SLC9A5: variants seen among roughly 807,000 people sequenced by gnomAD.
SLC9A5 encodes solute carrier family 9 member A5.
Under a neutral mutation model 91.7 loss-of-function variants are expected in SLC9A5, and 52 were observed. The ratio of observed to expected loss-of-function variants is 0.57; its 90% CI spans 0.45 to 0.71. The LOEUF is 0.71. Ranked by LOEUF, SLC9A5 falls within the 30% of genes least tolerant of loss-of-function variation. The probability of loss-of-function intolerance (pLI) is 0.00; values close to 1 mark genes in which losing one functional copy is unlikely to be tolerated. For synonymous variants in SLC9A5, 419 were observed against 474.5 expected, an observed-to-expected ratio of 0.88 and a Z score of 1.52; for missense variants, 871 against 1,158.9, an observed-to-expected ratio of 0.75 and a Z score of 3.61.
intron 1 of SLC9A5, among the ~76,000 whole-genome samples, chr16:67,250,751 G>C (rs772487900): frequency 2.0e-5 from 3 of 152,296 alleles, no homozygotes; most frequent in Middle Eastern, 3.4e-3. Context: ...GCCAGGCACT[G>C]TTCTAGGCCC....
Position 67,264,204 on chromosome 16 carries a change from A to G in SLC9A5, c.1843-148A>G, listed in dbSNP as rs2035623442. 3 of 669,598 alleles carry G rather than the reference A, an allele frequency of 4.5e-6. No individual in the cohort carries two copies. The Admixed American group carries it at 8.4e-5, about 19-fold the overall frequency. The allele number at this position is 669,598 out of a possible 1,614,324, so 41.5% of individuals were successfully genotyped here. On this transcript the variant is annotated intron_variant, in intron 12 of 15. Transcript: ENST00000299798. Reference sequence around the variant, plus strand: ...GGGTCTCTGGCTGGGTTCCTGTTGTATTTTTTGTTTTGTTTTTCAATCCAT... The same window carrying G: ...GGGTCTCTGGCTGGGTTCCTGTTGTGTTTTTTGTTTTGTTTTTCAATCCAT...
At chr16:67,265,236 G>A in intron 14 of SLC9A5, 130 bp downstream of exon 14, 2 of 782,886 alleles carry the variant, frequency 2.6e-6, no homozygotes, top group Non-Finnish European at 4.3e-6. Context: ...TTCCTCCAGG[G>A]ACTTGATTTC....
In SLC9A5 at chr16:67,266,125, G is replaced by A; in HGVS notation, c.2118G>A (p.Glu706=). The change falls in exon 15 of 16, where the codon GAG becomes GAA. Residue 706 remains glutamate, a synonymous_variant. Coordinates refer to ENST00000299798, the MANE Select transcript of SLC9A5 (RefSeq NM_004594.3). ...TAACCGTGGAGTCTGAGGAGGAGGA[G>A]GAGGAGAGCGACAGTTCAGAGACAG... ...VILTVESEEE[E]EESDSSETEK... 2 of 1,612,090 alleles carry A rather than the reference G, an allele frequency of 1.2e-6. No homozygotes were observed. Among genetic ancestry groups the A allele is most frequent in the Non-Finnish European group, 8.5e-7 (1 of 1,179,090 alleles).
intron 15 of SLC9A5, among the ~76,000 whole-genome samples, chr16:67,269,893 C>T (rs776392428): frequency 5.9e-5 from 9 of 152,150 alleles, no homozygotes; most frequent in African/African-American, 1.4e-4. Context: ...CCTCGTCATC[C>T]CCTTTGCGGC....
In SLC9A5 at chr16:67,270,645, T is replaced by C. The variant is rs949771653; in HGVS notation, c.2219-93T>C. On this transcript the variant is annotated intron_variant, in intron 15 of 15. Transcript: ENST00000299798. The surrounding 1 kb of genome is among the most constrained non-coding windows in gnomAD (Gnocchi z 4.3). ...CCGATAATCGCAAAAATGGACGGCA[T>C]ATGGAAACTGTGGCATGAATTTATA... The C allele has an allele frequency of 5.4e-6, 5 of 925,274 alleles. No homozygotes were observed. The highest frequency in any genetic ancestry group is 6.4e-6 in the Non-Finnish European group (4 of 621,788). The allele number at this position is 925,274 out of a possible 1,614,324, so 57.3% of individuals were successfully genotyped here.
At chr16:67,260,354 C>CAAAAAAAAAAAAAAAAAAAAAAAAAAAAA in intron 12 of SLC9A5, among the ~76,000 whole-genome samples, 1 of 33,468 alleles carries the variant, frequency 3.0e-5, no homozygotes, top group Non-Finnish European at 5.2e-5. Flanking sequence ...GACTCCATCT[C>CAAAAAAAAAAAAAAAAAAAAAAAAAAAAA]AAAAAAAAAA....
intron 14 of SLC9A5, 68 bp downstream of exon 14, chr16:67,265,174 G>C: frequency 6.8e-7 from 1 of 1,473,442 alleles, no homozygotes; most frequent in East Asian, 2.3e-5. Flanking sequence ...TTGCCAGCCA[G>C]AATCCTGGAG....
chr16:67,253,172 G>C (rs1486590524), intron 2 of SLC9A5, among the ~76,000 whole-genome samples: 1 of 152,156 alleles, frequency 6.6e-6, no homozygotes, highest in Non-Finnish European at 1.5e-5. Flanking sequence ...CTGAGGCATA[G>C]CTGTGCATCA....
Position 67,270,740 on chromosome 16 carries a change from A to G in SLC9A5, c.2221A>G (p.Ser741Gly), listed in dbSNP as rs1413912815. 4.4e-6 allele frequency: 7 copies of G among 1,594,854 alleles called. No individual in the cohort carries two copies. Among genetic ancestry groups the G allele is most frequent in the Non-Finnish European group, 5.1e-6 (6 of 1,168,192 alleles). The change falls in exon 16 of 16, where the codon AGC becomes GGC. Residue 741 changes from serine (S) to glycine (G), a missense_variant and splice_region_variant. Physicochemically the swap from Ser to Gly is moderately conservative, Grantham distance 56 (BLOSUM62 0). This residue lies in a region of SLC9A5 where 295 missense variants were observed against 326.0 expected (regional missense o/e 0.90). Transcript: ENST00000299798. The surrounding 1 kb of genome is among the most constrained non-coding windows in gnomAD (Gnocchi z 4.3). The part of the protein sequence containing the change: ...EVLQEGKVSG[S>G]LEVCPSPRII... ...TCATGTGTACTCTCTGTCCCCAGGAAGCCTTGAGGTGTGCCCAAGCCCACG... is the reference window on the plus strand; with the variant it reads ...TCATGTGTACTCTCTGTCCCCAGGAGGCCTTGAGGTGTGCCCAAGCCCACG...
Position 67,252,679 on chromosome 16 carries a change from C to T in SLC9A5, c.325C>T (p.Leu109Phe). The T allele has an allele frequency of 6.2e-7, 1 of 1,614,246 alleles. No homozygotes were observed. The highest frequency in any genetic ancestry group is 8.5e-7 in the Non-Finnish European group (1 of 1,180,046). Residue 109 changes from leucine (L) to phenylalanine (F), a missense_variant, in exon 2 of 16, where the codon CTC becomes TTC. Leu to Phe is a conservative substitution (Grantham distance 22). This residue lies in a region of SLC9A5 where 454 missense variants were observed against 718.3 expected (regional missense o/e 0.63). Coordinates refer to ENST00000299798, the MANE Select transcript of SLC9A5 (RefSeq NM_004594.3). The surrounding 1 kb of genome is among the most constrained non-coding windows in gnomAD (Gnocchi z 4.0). ...CCAGCTGGAGCCAGGCACCTTCTTC[C>T]TCTTCCTGCTGCCTCCTATTGTGTT... ...EYQLEPGTFF[L>F]FLLPPIVLDS...
intron 2 of SLC9A5, 109 bp from the exon 3 acceptor site, chr16:67,254,912 C>A (rs1473458552): frequency 1.8e-6 from 2 of 1,086,746 alleles, no homozygotes; most frequent in Non-Finnish European, 2.6e-6. Flanking sequence ...CCTCTTTGGG[C>A]TTCCTTGCTG....
intron 2 of SLC9A5, among the ~76,000 whole-genome samples, chr16:67,253,274 T>C (rs2035197204): frequency 6.6e-6 from 1 of 152,036 alleles, no homozygotes; most frequent in African/African-American, 2.4e-5. Flanking sequence ...AACTATATGT[T>C]GTCTATAAGA....
Position 67,256,870 on chromosome 16 carries a change from C to T in SLC9A5, c.1133-41C>T, listed in dbSNP as rs776117335. On this transcript the variant is annotated intron_variant, in intron 6 of 15. Transcript: ENST00000299798. This position sits in a 1 kb window ranked among gnomAD's most constrained non-coding sequence, Gnocchi z 4.1. ...GTCCCATCCGGTCCCACGTCCTCCA[C>T]TCCCAACGCTTTGCTCCCACTGGCC... 4.4e-6 allele frequency: 7 copies of T among 1,598,304 alleles called. No individual in the cohort carries two copies. In the South Asian group the frequency reaches 4.4e-5, roughly 10 times the overall value.
chr16:67,259,530 C>T (rs772161075), intron 10 of SLC9A5, 43 bp from the exon 11 acceptor site: 4 of 1,442,828 alleles, frequency 2.8e-6, no homozygotes, highest in Admixed American at 3.3e-5. Context: ...CCTGGGCAAC[C>T]CTCCATCTGA....
At chr16:67,265,999 AG>A in intron 14 of SLC9A5, 88 bp from the exon 15 acceptor site, 1 of 1,547,234 alleles carries the variant, frequency 6.5e-7, no homozygotes, top group Non-Finnish European at 8.7e-7. Flanking sequence ...TGTTCTGCCT[AG>A]GGAGACAGGG....
Position 67,258,342 on chromosome 16 carries a change from C to T in SLC9A5, c.1521C>T (p.Tyr507=), listed in dbSNP as rs377384395. 7 of 1,613,946 alleles carry T rather than the reference C, an allele frequency of 4.3e-6. No individual in the cohort carries two copies. In the African/African-American group the frequency reaches 8.0e-5, roughly 18 times the overall value. The change falls in exon 10 of 16, where the codon TAC becomes TAT. Residue 507 remains tyrosine, a synonymous_variant. Coordinates refer to ENST00000299798, the MANE Select transcript of SLC9A5 (RefSeq NM_004594.3). This position sits in a 1 kb window ranked among gnomAD's most constrained non-coding sequence, Gnocchi z 4.5. ...RDRWEQFDKK[Y]LSQLLMRRSA... ...GGTGGGAGCAGTTTGACAAGAAATA[C>T]CTGAGTCAGCTGCTGATGCGACGAT... is the stretch of plus-strand genomic sequence containing the variant.
rs758562275 is a variant in SLC9A5, at chr16:67,270,981, G to A, written c.2462G>A (p.Gly821Asp). 23 of 1,614,046 alleles carry A rather than the reference G, an allele frequency of 1.4e-5. No individual in the cohort carries two copies. The South Asian group carries it at 1.4e-4, about 10-fold the overall frequency. Residue 821 changes from glycine (G) to aspartate (D), a missense_variant, in exon 16 of 16, where the codon GGC becomes GAC. Coordinates refer to ENST00000299798, the MANE Select transcript of SLC9A5 (RefSeq NM_004594.3). This position sits in a 1 kb window ranked among gnomAD's most constrained non-coding sequence, Gnocchi z 4.3. ...ACCTGCCTGCCTCCCCATCCACGGGGCACTGAAGAGCCCCAGGTCCCTCTC... is the reference window on the plus strand; with the variant it reads ...ACCTGCCTGCCTCCCCATCCACGGGACACTGAAGAGCCCCAGGTCCCTCTC... Reference protein sequence around the residue: ...ILTCLPPHPRGTEEPQVPLHL... With the variant: ...ILTCLPPHPRDTEEPQVPLHL...
At position 67,265,038 on chromosome 16, in the gene SLC9A5, A is replaced by T; in HGVS notation, c.472-5A>T. The T allele has an allele frequency of 6.2e-7, 1 of 1,614,122 alleles. No homozygotes were observed. The highest frequency in any genetic ancestry group is 1.7e-5 in the Admixed American group (1 of 60,028). On this transcript the variant is annotated splice_region_variant and splice_polypyrimidine_tract_variant and intron_variant, in intron 4 of 4. Transcript: ENST00000567247. ...GCTCAGGTTTTCTTTCTTGGTCCTC[A>T]GAAGGATGGTGTGGCGAATGCTGAG...
intron 12 of SLC9A5, chr16:67,262,195 A>G (rs2035554429): frequency 4.5e-6 from 2 of 444,252 alleles, no homozygotes; most frequent in Non-Finnish European, 9.1e-6. Flanking sequence ...CCAAATCCAC[A>G]TAAACATGTT....
Sources: gnomAD v4.1 joint callset for allele counts (sites outside exome capture counted in the v4.1 genomes callset) on GRCh38, gnomAD v4.1.1 for gene constraint, gnomAD v4.1.1 regional missense constraint, Gnocchi (gnomAD v3.1) non-coding constraint, MANE v1.5 for transcripts, NCBI Gene and HGNC (gene_info 2026-07-23, HGNC 2026-07-21) for gene names.